PXN: variants seen among roughly 807,000 people sequenced by gnomAD.
The protein encoded by PXN is paxillin.
Under a neutral mutation model 103.6 loss-of-function variants are expected in PXN, and 61 were observed. The ratio of observed to expected loss-of-function variants is 0.59; its 90% CI spans 0.48 to 0.73. The LOEUF (loss-of-function observed/expected upper bound fraction) is 0.73. Ranked by LOEUF, PXN falls within the 30% of genes least tolerant of loss-of-function variation. The probability of loss-of-function intolerance (pLI) is 0.00; values close to 1 mark genes in which losing one functional copy is unlikely to be tolerated. For missense variants in PXN, 1,274 were observed against 1,460.3 expected, an observed-to-expected ratio of 0.87 and a Z score of 2.08; for synonymous variants, 562 against 607.8, an observed-to-expected ratio of 0.92 and a Z score of 1.11.
Position 120,224,313 on chromosome 12 carries a change from C to A in PXN, c.78G>T (p.Ser26=). 1 of 1,613,930 alleles carries A rather than the reference C, an allele frequency of 6.2e-7. No individual in the cohort carries two copies. The change falls in exon 2 of 15, where the codon TCG becomes TCT. Residue 26 remains serine, a synonymous_variant. Coordinates refer to ENST00000637617, the MANE Select transcript of PXN (RefSeq NM_001385981.1). This position sits in a 1 kb window ranked among gnomAD's most constrained non-coding sequence, Gnocchi z 5.0. ...TTGGGTATGAGTAGGGGGTCTCCTC[C>A]GACAAGAACACAGGCCGTTTGGAGA... is the stretch of plus-strand genomic sequence containing the variant. ...SHISKRPVFL[S]EETPYSYPTG...
At chr12:120,237,198 G>C (rs1207024759) in intron 1 of PXN, among the ~76,000 whole-genome samples, 4 of 148,126 alleles carry the variant, frequency 2.7e-5, no homozygotes, top group Non-Finnish European at 6.0e-5. Context: ...CACTTCTATT[G>C]CCCAGGCTGG....
Position 120,214,992 on chromosome 12 carries a change from TCA to T in PXN, c.2579_2580del (p.Val860AspfsTer36). 1 of 1,613,208 alleles carries T rather than the reference TCA, an allele frequency of 6.2e-7. No individual in the cohort carries two copies. Among genetic ancestry groups the T allele is most frequent in the Non-Finnish European group, 8.5e-7 (1 of 1,179,546 alleles). ...ACKKPIAGQV[V>X]TAMGKTWHPE... ...GGGTGCCACGTCTTCCCCATGGCGG[TCA>T]CAACCTGAGGAGGAGATGGAATGCG... On this transcript the variant is annotated frameshift_variant, in exon 12 of 15. Coordinates refer to ENST00000637617, the MANE Select transcript of PXN (RefSeq NM_001385981.1). LOFTEE classifies it high-confidence loss of function. The surrounding 1 kb of genome is among the most constrained non-coding windows in gnomAD (Gnocchi z 5.0).
rs770597404 is a variant in PXN, at chr12:120,213,999, C to T, written c.2831-9G>A. The T allele has an allele frequency of 3.7e-6, 6 of 1,610,922 alleles. No individual in the cohort carries two copies. In the South Asian group the frequency reaches 4.4e-5, roughly 12 times the overall value. On this transcript the variant is annotated splice_polypyrimidine_tract_variant and intron_variant, in intron 13 of 14. Transcript: ENST00000637617. The surrounding 1 kb of genome is among the most constrained non-coding windows in gnomAD (Gnocchi z 4.2). ...GTCCTTCTCGTGGAACCCTGGGGAG[C>T]GGGGGTTTTGGAGGCACAGTTCATT...
intron 1 of PXN, among the ~76,000 whole-genome samples, chr12:120,263,717 C>A (rs1010221944): frequency 6.6e-6 from 1 of 152,202 alleles, no homozygotes; most frequent in African/African-American, 2.4e-5. Flanking sequence ...AAGTACTCCA[C>A]AAACAGCAAT....
Position 120,257,654 on chromosome 12 carries a change from T to C in PXN, c.13+7963A>G, listed in dbSNP as rs1893231020. Among the ~76,000 whole-genome samples, 4 of 152,252 alleles carry C rather than the reference T, an allele frequency of 2.6e-5. No homozygotes were observed. In the South Asian group the frequency reaches 8.3e-4, roughly 32 times the overall value. On this transcript the variant is annotated intron_variant, in intron 1 of 14. Transcript: ENST00000637617. ...GAGGTCCAAGAGGGCCAGCTTTGAGTCAGCACAAACTAGACAGGAGGGACC... is the reference window on the plus strand; with the variant it reads ...GAGGTCCAAGAGGGCCAGCTTTGAGCCAGCACAAACTAGACAGGAGGGACC...
intron 1 of PXN, among the ~76,000 whole-genome samples, chr12:120,249,439 G>T (rs145463710): frequency 1.3e-5 from 2 of 152,296 alleles, no homozygotes; most frequent in East Asian, 3.9e-4. Flanking sequence ...GCAGGGAGAA[G>T]AGGAAGGACA....
chr12:120,224,709 C>G lies in PXN; in HGVS notation c.14-332G>C. On this transcript the variant is annotated intron_variant, in intron 1 of 14. Transcript: ENST00000637617. The surrounding 1 kb of genome is among the most constrained non-coding windows in gnomAD (Gnocchi z 5.0). Reference sequence around the variant, plus strand: ...GGGCCGCGCAGCCGCGAGTGAAGTGCCTGTCTGGAACTCTGAATCTGCAGG... The same window carrying G: ...GGGCCGCGCAGCCGCGAGTGAAGTGGCTGTCTGGAACTCTGAATCTGCAGG... 1 of 570,248 alleles carries G rather than the reference C, an allele frequency of 1.8e-6. No homozygotes were observed. The highest frequency in any genetic ancestry group is 3.3e-6 in the Non-Finnish European group (1 of 301,062). The allele number at this position is 570,248 out of a possible 1,614,324, so 35.3% of individuals were successfully genotyped here.
In PXN at chr12:120,212,590, G is replaced by A. The variant is rs375180590; in HGVS notation, c.2980-10C>T. 3.2e-5 allele frequency: 51 copies of A among 1,608,156 alleles called. No homozygotes were observed. Among genetic ancestry groups the A allele is most frequent in the Middle Eastern group, 3.3e-4 (2 of 5,996 alleles). ...ATGGCGTGAAGCATTCCTGCCAGGC[G>A]GAGAGAGGGGCTCAGGGAGCTGCCC... On this transcript the variant is annotated splice_polypyrimidine_tract_variant and intron_variant, in intron 14 of 14. Transcript: ENST00000637617. This position sits in a 1 kb window ranked among gnomAD's most constrained non-coding sequence, Gnocchi z 7.2.
In PXN at chr12:120,216,666, C is replaced by G; in HGVS notation, c.1993-85G>C. On this transcript the variant is annotated intron_variant, in intron 8 of 14. Coordinates refer to ENST00000637617, the MANE Select transcript of PXN (RefSeq NM_001385981.1). This position sits in a 1 kb window ranked among gnomAD's most constrained non-coding sequence, Gnocchi z 5.1. ...GTGGCGGGACCTCCCCAGGCTCCCCCTGGGCCTTCCCACTCTGCACCAAGA... is the reference window on the plus strand; with the variant it reads ...GTGGCGGGACCTCCCCAGGCTCCCCGTGGGCCTTCCCACTCTGCACCAAGA... 1 of 1,577,344 alleles carries G rather than the reference C, an allele frequency of 6.3e-7. No homozygotes were observed. The highest frequency in any genetic ancestry group is 8.5e-7 in the Non-Finnish European group (1 of 1,173,576).
At chr12:120,257,010 C>T (rs910024920) in intron 1 of PXN, among the ~76,000 whole-genome samples, 1 of 152,126 alleles carries the variant, frequency 6.6e-6, no homozygotes, top group Non-Finnish European at 1.5e-5. Context: ...CATGAGCCAC[C>T]GCGCCTGGCC....
rs749787643 is a variant in PXN, at chr12:120,219,647, A to C, written c.1276T>G (p.Cys426Gly). 5 of 1,579,064 alleles carry C rather than the reference A, an allele frequency of 3.2e-6. 1 individual carries two copies. In the South Asian group the frequency reaches 5.6e-5, roughly 18 times the overall value. ...GTGGCAGCCAAGGCCTCCTCTGGGC[A>C]CGAAGGGCTGGCTGGTGGCCCCTGG... ...EPQGPPASPSCPEEALAATWE... is the reference protein window; with the variant it reads ...EPQGPPASPSGPEEALAATWE... The change falls in exon 7 of 15, where the codon TGC becomes GGC. Residue 426 changes from cysteine (C) to glycine (G), a missense_variant. Physicochemically the swap from Cys to Gly is radical, Grantham distance 159 (BLOSUM62 -3). This residue lies in a region of PXN where 1,178 missense variants were observed against 1,309.0 expected (regional missense o/e 0.90). Coordinates refer to ENST00000637617, the MANE Select transcript of PXN (RefSeq NM_001385981.1). This position sits in a 1 kb window ranked among gnomAD's most constrained non-coding sequence, Gnocchi z 6.5.
intron 1 of PXN, chr12:120,264,307 T>G (rs1054597926): frequency 6.6e-6 from 1 of 152,294 alleles, no homozygotes; most frequent in African/African-American, 2.4e-5. Context: ...CTGAATCTAC[T>G]CCTCAGAGCC....
In PXN at chr12:120,212,326, C is replaced by T. The variant is rs1459602446; in HGVS notation, c.3234G>A (p.Lys1078=). The T allele has an allele frequency of 6.2e-7, 1 of 1,613,248 alleles. No homozygotes were observed. The highest frequency in any genetic ancestry group is 1.3e-5 in the African/African-American group (1 of 74,908). Residue 1078 remains lysine, a synonymous_variant, in exon 15 of 15, where the codon AAG becomes AAA. Transcript: ENST00000637617. The surrounding 1 kb of genome is among the most constrained non-coding windows in gnomAD (Gnocchi z 7.2). ...AGGGGCAGGGCACCTAGCAGAAGAG[C>T]TTGAGGAAGCAGTTCTGACAGTAAG... is the stretch of plus-strand genomic sequence containing the variant. ...DKPYCQNCFL[K]LFC
At position 120,213,935 on chromosome 12, in the gene PXN, G is replaced by A. The variant is rs773831994; in HGVS notation, c.2886C>T (p.Phe962=). The change falls in exon 14 of 15, where the codon TTC becomes TTT. Residue 962 remains phenylalanine, a synonymous_variant. Transcript: ENST00000637617. The surrounding 1 kb of genome is among the most constrained non-coding windows in gnomAD (Gnocchi z 4.2). ...GGGCGCAGCCGCCACACTTGGGTGC[G>A]AACATGTCGAAGTAGTCCTTGCGAC... ...AYCRKDYFDM[F]APKCGGCARA... The A allele has an allele frequency of 4.6e-5, 74 of 1,612,350 alleles. No individual in the cohort carries two copies. The highest frequency in any genetic ancestry group is 3.3e-4 in the Middle Eastern group (2 of 6,060).
Position 120,265,518 on chromosome 12 carries a change from G to T in PXN, c.13+99C>A, listed in dbSNP as rs1894571603. ...GACAGGAGCTGAGGCCGGGGCCGCCGAGGGTGGGATCCCGCGGCCCCTGCC... is the reference window on the plus strand; with the variant it reads ...GACAGGAGCTGAGGCCGGGGCCGCCTAGGGTGGGATCCCGCGGCCCCTGCC... On this transcript the variant is annotated intron_variant, in intron 1 of 14. Transcript: ENST00000637617. The surrounding 1 kb of genome is among the most constrained non-coding windows in gnomAD (Gnocchi z 5.7). 1.9e-5 allele frequency: 25 copies of T among 1,348,536 alleles called. No homozygotes were observed. Among genetic ancestry groups the T allele is most frequent in the Middle Eastern group, 2.6e-4 (1 of 3,804 alleles). 83.5% of individuals were successfully genotyped at this position (1,348,536 alleles called of 1,614,324 possible).
At chr12:120,262,772 GAA>G (rs1894071292) in intron 1 of PXN, among the ~76,000 whole-genome samples, 1 of 152,136 alleles carries the variant, frequency 6.6e-6, no homozygotes, top group East Asian at 1.9e-4. Context: ...CTCTGTCCAG[GAA>G]ACTCCGGCCA....
intron 7 of PXN, among the ~76,000 whole-genome samples, chr12:120,218,884 G>GT (rs1217308599): frequency 1.3e-5 from 2 of 152,238 alleles, no homozygotes; most frequent in Admixed American, 6.5e-5. Flanking sequence ...GAGGTAGCAA[G>GT]TGTTAGACAT....
intron 1 of PXN, among the ~76,000 whole-genome samples, chr12:120,248,492 T>TCTCACACA (rs1299076758): frequency 7.6e-4 from 97 of 127,944 alleles, no homozygotes; most frequent in African/African-American, 2.5e-3. Flanking sequence ...CAGATGACTT[T>TCTCACACA]CACACACACA....
At chr12:120,230,944 G>A (rs1212481353) in intron 1 of PXN, among the ~76,000 whole-genome samples, 1 of 152,164 alleles carries the variant, frequency 6.6e-6, no homozygotes, top group Non-Finnish European at 1.5e-5. Flanking sequence ...CAAGAATTAA[G>A]CTCCAGAGAG....
Sources: gnomAD v4.1 joint callset for allele counts (sites outside exome capture counted in the v4.1 genomes callset) on GRCh38, gnomAD v4.1.1 for gene constraint, gnomAD v4.1.1 regional missense constraint, Gnocchi (gnomAD v3.1) non-coding constraint, MANE v1.5 for transcripts, NCBI Gene and HGNC (gene_info 2026-07-23, HGNC 2026-07-21) for gene names.